SLC8A3: variants seen among roughly 807,000 people sequenced by gnomAD.
SLC8A3 encodes the protein sodium/calcium exchanger 3.
Under a neutral mutation model 65.4 loss-of-function variants are expected in SLC8A3, and 37 were observed. The ratio of observed to expected loss-of-function variants is 0.57; its 90% CI spans 0.44 to 0.74. SLC8A3 has a LOEUF of 0.74. Ranked by LOEUF, SLC8A3 falls within the 30% of genes least tolerant of loss-of-function variation. The pLI, the probability that SLC8A3 is intolerant of heterozygous loss-of-function variation, is 0.00. For missense variants in SLC8A3, 1,112 were observed against 1,172.1 expected, an observed-to-expected ratio of 0.95 and a Z score of 0.75; for synonymous variants, 461 against 444.5, an observed-to-expected ratio of 1.04 and a Z score of -0.47.
Position 70,072,433 on chromosome 14 carries a change from C to CT in SLC8A3, c.1785-11495dup, listed in dbSNP as rs111788655. ...GACATTATTCTTTTAAAGTAGATGCCTTTTTTTTTAAGGTTTTCATGCCTT... is the reference window on the plus strand; with the variant it reads ...GACATTATTCTTTTAAAGTAGATGCCTTTTTTTTTTAAGGTTTTCATGCCTT... On this transcript the variant is annotated intron_variant, in intron 2 of 6. Coordinates refer to ENST00000356921, the MANE Select transcript of SLC8A3 (RefSeq NM_182932.3). Among the ~76,000 whole-genome samples the CT allele has an allele frequency of 1.6e-3, 247 of 151,412 alleles. 1 individual carries two copies. The highest frequency in any genetic ancestry group is 4.8e-3 in the African/African-American group (197 of 41,234).
Position 70,156,670 on chromosome 14 carries a change from G to A in SLC8A3, c.1784+9969C>T, listed in dbSNP as rs890031035. ...CCAGCTTCTGGGGATTTCCTGGAAAGGCATCAAGTTTGCAGCTCCTAGGAT... is the reference window on the plus strand; with the variant it reads ...CCAGCTTCTGGGGATTTCCTGGAAAAGCATCAAGTTTGCAGCTCCTAGGAT... On this transcript the variant is annotated intron_variant, in intron 2 of 6. Transcript: ENST00000356921. Among the ~76,000 whole-genome samples, 10 of 152,322 alleles carry A rather than the reference G, an allele frequency of 6.6e-5. No individual in the cohort carries two copies. In the East Asian group the frequency reaches 1.2e-3, roughly 18 times the overall value.
intron 3 of SLC8A3, among the ~76,000 whole-genome samples, chr14:70,058,375 C>T (rs527935473): frequency 5.3e-4 from 81 of 152,216 alleles, no homozygotes; most frequent in Non-Finnish European, 9.9e-4. Flanking sequence ...TGTCAAAATA[C>T]GGGAAGTACT....
intron 3 of SLC8A3, among the ~76,000 whole-genome samples, chr14:70,057,929 G>T (rs544309870): frequency 3.3e-5 from 5 of 152,198 alleles, no homozygotes; most frequent in Non-Finnish European, 7.3e-5. Context: ...TCTATCCGAA[G>T]GCTTCCAATG....
intron 2 of SLC8A3, among the ~76,000 whole-genome samples, chr14:70,159,867 G>A (rs1318314462): frequency 1.3e-5 from 2 of 152,154 alleles, no homozygotes; most frequent in African/African-American, 4.8e-5. Flanking sequence ...TCCAACCACA[G>A]TGTGTCTTTT....
chr14:70,185,572 C>G (rs1883135235), intron 1 of SLC8A3, among the ~76,000 whole-genome samples: 1 of 152,214 alleles, frequency 6.6e-6, no homozygotes, highest in African/African-American at 2.4e-5. Context: ...TCTCCCTTCT[C>G]CGACCAGGAA....
intron 2 of SLC8A3, among the ~76,000 whole-genome samples, chr14:70,074,693 A>G (rs906170257): frequency 3.3e-5 from 5 of 152,232 alleles, no homozygotes; most frequent in African/African-American, 1.2e-4. Context: ...TGAGACTAGT[A>G]AGTCAGAGGT....
At chr14:70,081,556 C>T (rs12888543) in intron 2 of SLC8A3, among the ~76,000 whole-genome samples, 71,297 of 152,026 alleles carry the variant, frequency 0.47, 17,009 homozygotes, top group South Asian at 0.66. Flanking sequence ...GTGGCTGATC[C>T]CTGGGCTCTA....
intron 2 of SLC8A3, among the ~76,000 whole-genome samples, chr14:70,093,152 C>T (rs985507152): frequency 6.6e-6 from 1 of 152,190 alleles, no homozygotes; most frequent in East Asian, 1.9e-4. Flanking sequence ...CTGAGCATCT[C>T]TTTGGGTCTG....
chr14:70,050,949 G>A (rs535032507), intron 5 of SLC8A3, 59 bp downstream of exon 5: 4 of 1,099,618 alleles, frequency 3.6e-6, no homozygotes, highest in Admixed American at 1.7e-5. Flanking sequence ...GTGGCTTTAC[G>A]CTTCCTTCTC....
intron 2 of SLC8A3, among the ~76,000 whole-genome samples, chr14:70,114,148 T>C (rs1595007243): frequency 6.6e-6 from 1 of 151,908 alleles, no homozygotes; most frequent in Non-Finnish European, 1.5e-5. Context: ...AACTGAGGAG[T>C]CTTGGGTGGA....
At chr14:70,178,074 C>A (rs1882388956) in intron 1 of SLC8A3, among the ~76,000 whole-genome samples, 1 of 152,154 alleles carries the variant, frequency 6.6e-6, no homozygotes, top group Non-Finnish European at 1.5e-5. Context: ...ATGAAGAGGC[C>A]TAGCAAGGAC....
At chr14:70,173,436 C>T (rs868298654) in intron 1 of SLC8A3, among the ~76,000 whole-genome samples, 11 of 152,314 alleles carry the variant, frequency 7.2e-5, no homozygotes, top group South Asian at 2.1e-4. Flanking sequence ...ATCTGCAAGG[C>T]GTCTGTGTCC....
chr14:70,091,886 A>G (rs1218980578), intron 2 of SLC8A3, among the ~76,000 whole-genome samples: 1 of 152,194 alleles, frequency 6.6e-6, no homozygotes, highest in African/African-American at 2.4e-5. Flanking sequence ...ATGAAAGCTC[A>G]TTAGTTACTG....
chr14:70,093,138 C>T (rs1891918176), intron 2 of SLC8A3, among the ~76,000 whole-genome samples: 1 of 152,228 alleles, frequency 6.6e-6, no homozygotes, highest in South Asian at 2.1e-4. Flanking sequence ...TAACTCCACA[C>T]ATTCTGAGCA....
chr14:70,075,505 CTT>C (rs1360333233), intron 2 of SLC8A3, among the ~76,000 whole-genome samples: 1 of 152,148 alleles, frequency 6.6e-6, no homozygotes, highest in Admixed American at 6.5e-5. Flanking sequence ...CTGGCCTTCA[CTT>C]TTGCCTTCTG....
chr14:70,085,988 T>C (rs111844072), intron 2 of SLC8A3, among the ~76,000 whole-genome samples: 55 of 152,340 alleles, frequency 3.6e-4, no homozygotes, highest in African/African-American at 1.2e-3. Context: ...CCATAGTGCA[T>C]GTCCTTAACC....
intron 2 of SLC8A3, among the ~76,000 whole-genome samples, chr14:70,151,687 A>C (rs147301515): frequency 6.6e-6 from 1 of 152,338 alleles, no homozygotes; most frequent in African/African-American, 2.4e-5. Context: ...AACAGTAGAA[A>C]TGTATTCTCC....
At chr14:70,091,002 A>G (rs1479374079) in intron 2 of SLC8A3, among the ~76,000 whole-genome samples, 1 of 152,212 alleles carries the variant, frequency 6.6e-6, no homozygotes, top group East Asian at 1.9e-4. Context: ...GTGCCAGTTG[A>G]CAACCCCTGG....
At chr14:70,148,309 A>T (rs185317038) in intron 2 of SLC8A3, among the ~76,000 whole-genome samples, 3 of 152,308 alleles carry the variant, frequency 2.0e-5, no homozygotes, top group East Asian at 1.9e-4. Context: ...ATCCCTTGTG[A>T]TGGGTTTATC....
Sources: gnomAD v4.1 joint callset for allele counts (sites outside exome capture counted in the v4.1 genomes callset) on GRCh38, gnomAD v4.1.1 for gene constraint, MANE v1.5 for transcripts, NCBI Gene and HGNC (gene_info 2026-07-23, HGNC 2026-07-21) for gene names.